Variants in PALM2AKAP2 observed in about 807,000 individuals in gnomAD.
PALM2AKAP2 encodes the protein PALM2-AKAP2 fusion protein.
A neutral mutation model predicts 71.5 loss-of-function variants in PALM2AKAP2; 37 were observed. That is an observed-to-expected ratio of 0.52 (90% CI 0.40 to 0.68). The LOEUF (loss-of-function observed/expected upper bound fraction) is 0.68. PALM2AKAP2 is among the 30% of genes least tolerant of loss of function. PALM2AKAP2 has a pLI of 0.00. For missense variants in PALM2AKAP2, 1,224 were observed against 1,191.8 expected (o/e 1.03, Z -0.40); for synonymous variants, 468 against 478.8 (o/e 0.98, Z 0.29).
Position 109,979,603 on chromosome 9 carries a change from G to C in PALM2AKAP2, c.497-36351G>C, listed in dbSNP as rs949065924. On this transcript the variant is annotated intron_variant, in intron 6 of 9. Transcript: ENST00000302798. ...CTTCTATTTGGTGGCTGTCTTTACT[G>C]TCTTTATTTCCTCAATGCCTAGCAT... Among the ~76,000 whole-genome samples, 8 of 152,156 alleles carry C rather than the reference G, an allele frequency of 5.3e-5. No individual in the cohort carries two copies. In the East Asian group the frequency reaches 1.5e-3, roughly 29 times the overall value.
chr9:110,049,304 C>T (rs1018330986), intron 1 of PALM2AKAP2, among the ~76,000 whole-genome samples: 1 of 152,150 alleles, frequency 6.6e-6, no homozygotes, highest in Non-Finnish European at 1.5e-5. Context: ...GCGGGTCCTG[C>T]CTTTTGGGTG....
At chr9:109,796,060 A>G (rs970242533) in intron 1 of PALM2AKAP2, among the ~76,000 whole-genome samples, 2 of 152,184 alleles carry the variant, frequency 1.3e-5, no homozygotes, top group East Asian at 1.9e-4. Context: ...GTCACAACAC[A>G]TTTTGCATAG....
chr9:109,739,385 T>C (rs556496748), intron 1 of PALM2AKAP2, among the ~76,000 whole-genome samples: 1 of 152,362 alleles, frequency 6.6e-6, no homozygotes, highest in East Asian at 1.9e-4. Flanking sequence ...AACTCATTTT[T>C]AATATGCCTA....
intron 2 of PALM2AKAP2, among the ~76,000 whole-genome samples, chr9:109,869,495 ATTTTTT>A: frequency 7.0e-6 from 1 of 142,236 alleles, no homozygotes; most frequent in African/African-American, 2.6e-5. Flanking sequence ...CGCCCAGCTA[ATTTTTT>A]TTTTTTTTTG....
intron 1 of PALM2AKAP2, among the ~76,000 whole-genome samples, chr9:110,082,742 T>C (rs902328564): frequency 2.0e-5 from 3 of 152,232 alleles, no homozygotes; most frequent in Non-Finnish European, 4.4e-5. Flanking sequence ...TGTTAAGGTA[T>C]ACAGTTCAGT....
Position 110,090,194 on chromosome 9 carries a change from A to G in PALM2AKAP2, c.156+41339A>G, listed in dbSNP as rs1395191508. 5 of 345,752 alleles carry G rather than the reference A, an allele frequency of 1.4e-5. No individual in the cohort carries two copies. The East Asian group carries it at 3.9e-4, about 27-fold the overall frequency. The allele number at this position is 345,752 out of a possible 1,614,324, so 21.4% of individuals were successfully genotyped here. ...CTGTGTGCTTCCTGGGGCAGCGTCC[A>G]CCAGGTGTGTGCGGGCAGGTACAGG... is the stretch of plus-strand genomic sequence containing the variant. On this transcript the variant is annotated intron_variant, in intron 1 of 3. Coordinates refer to ENST00000374525, the Ensembl canonical transcript of PALM2AKAP2.
chr9:109,661,555 T>G (rs1277183934), intron 1 of PALM2AKAP2, among the ~76,000 whole-genome samples: 1 of 152,216 alleles, frequency 6.6e-6, no homozygotes, highest in African/African-American at 2.4e-5. Flanking sequence ...CATGCTGTTT[T>G]GGTTACTGCA....
chr9:110,109,935 G>A (rs996076902), intron 1 of PALM2AKAP2, among the ~76,000 whole-genome samples: 6 of 152,202 alleles, frequency 3.9e-5, no homozygotes, highest in Admixed American at 2.6e-4. Flanking sequence ...AGAGGGACTG[G>A]CTGGAGGGGA....
At chr9:109,813,764 G>A (rs1413412149) in intron 1 of PALM2AKAP2, among the ~76,000 whole-genome samples, 2 of 152,152 alleles carry the variant, frequency 1.3e-5, no homozygotes, top group Admixed American at 6.5e-5. Context: ...AGCCTAACTC[G>A]TGTTGTCCTG....
At chr9:110,149,012 C>G (rs1836246787) in intron 2 of PALM2AKAP2, among the ~76,000 whole-genome samples, 1 of 152,168 alleles carries the variant, frequency 6.6e-6, no homozygotes, top group South Asian at 2.1e-4. Flanking sequence ...GGAGGAATTG[C>G]AGATTCTTTT....
At chr9:110,127,537 C>T (rs1382020224) in intron 1 of PALM2AKAP2, 1 of 152,222 alleles carries the variant, frequency 6.6e-6, no homozygotes, top group Non-Finnish European at 1.5e-5. Context: ...AGGTTATCAC[C>T]CGGGGCCTCT....
intron 6 of PALM2AKAP2, among the ~76,000 whole-genome samples, chr9:109,932,244 C>A (rs59470092): frequency 6.6e-6 from 1 of 152,196 alleles, no homozygotes; most frequent in Non-Finnish European, 1.5e-5. Flanking sequence ...GGAAATCATA[C>A]GGCATTTCAC....
intron 1 of PALM2AKAP2, among the ~76,000 whole-genome samples, chr9:109,772,558 T>G (rs903676635): frequency 2.0e-5 from 3 of 152,218 alleles, no homozygotes; most frequent in Admixed American, 2.0e-4. Flanking sequence ...ATCCTCTGAC[T>G]GCTACACTCT....
intron 1 of PALM2AKAP2, among the ~76,000 whole-genome samples, chr9:109,711,220 T>A (rs938525023): frequency 6.6e-6 from 1 of 152,116 alleles, no homozygotes; most frequent in Non-Finnish European, 1.5e-5. Flanking sequence ...GTTAAAAGAT[T>A]ATGGGTTCAC....
At chr9:109,807,136 G>A (rs1413275751) in intron 1 of PALM2AKAP2, among the ~76,000 whole-genome samples, 1 of 99,452 alleles carries the variant, frequency 1.0e-5, no homozygotes, top group Non-Finnish European at 1.9e-5. Flanking sequence ...GATCTAAGTG[G>A]AATGTGAGAG....
intron 1 of PALM2AKAP2, among the ~76,000 whole-genome samples, chr9:109,797,956 C>T (rs1362252344): frequency 6.6e-6 from 1 of 152,114 alleles, no homozygotes; most frequent in Non-Finnish European, 1.5e-5. Flanking sequence ...AATAAAGTGC[C>T]ACAAATTGGG....
chr9:109,997,919 A>C (rs1832606526), intron 6 of PALM2AKAP2, among the ~76,000 whole-genome samples: 1 of 152,222 alleles, frequency 6.6e-6, no homozygotes, highest in Non-Finnish European at 1.5e-5. Context: ...AAGTGTTTAA[A>C]GGCAGATCAT....
At chr9:109,745,618 T>C (rs1220118344) in intron 1 of PALM2AKAP2, among the ~76,000 whole-genome samples, 1 of 152,044 alleles carries the variant, frequency 6.6e-6, no homozygotes, top group African/African-American at 2.4e-5. Flanking sequence ...GTGGCCACAT[T>C]TACAGCAATA....
intron 2 of PALM2AKAP2, among the ~76,000 whole-genome samples, chr9:109,869,473 T>C (rs190690461): frequency 6.6e-6 from 1 of 150,890 alleles, no homozygotes; most frequent in East Asian, 1.9e-4. Flanking sequence ...GGACTACAAA[T>C]GCCCGCCACC....
Sources: allele counts gnomAD v4.1 joint callset (sites outside exome capture counted in the v4.1 genomes callset), GRCh38; gene constraint gnomAD v4.1.1; transcripts MANE v1.5; gene names NCBI Gene and HGNC (gene_info 2026-07-23, HGNC 2026-07-21).